The following FMN1 variants were observed in gnomAD, a reference collection of about 807,000 sequenced individuals.
FMN1 encodes formin 1, also known as formin-1.
Under a neutral mutation model 132.4 loss-of-function variants are expected in FMN1, and 110 were observed. That is an observed-to-expected ratio of 0.83 (90% CI 0.71 to 0.97). The LOEUF is 0.97. Ranked by LOEUF, FMN1 falls within the 50% of genes least tolerant of loss-of-function variation. The pLI, the probability that FMN1 is intolerant of heterozygous loss-of-function variation, is 0.00. For synonymous variants in FMN1, 722 were observed against 651.7 expected (o/e 1.11, Z -1.64); for missense variants, 1,792 against 1,705.3 (o/e 1.05, Z -0.90).
intron 16 of FMN1, among the ~76,000 whole-genome samples, chr15:32,872,688 C>T (rs2059543769): frequency 6.6e-6 from 1 of 152,236 alleles, no homozygotes; most frequent in African/African-American, 2.4e-5. Context: ...AGTGCAACAG[C>T]TGGCTACAAA....
intron 6 of FMN1, among the ~76,000 whole-genome samples, chr15:33,025,360 C>T (rs954621274): frequency 3.3e-5 from 5 of 152,098 alleles, no homozygotes; most frequent in Admixed American, 1.3e-4. Context: ...ACCAACAAAT[C>T]AACATGTATC....
chr15:32,979,873 A>G (rs562601993), intron 7 of FMN1, among the ~76,000 whole-genome samples: 1 of 152,216 alleles, frequency 6.6e-6, no homozygotes, highest in South Asian at 2.1e-4. Context: ...TCCCTGAATT[A>G]ATTTTTGCAA....
At position 32,992,626 on chromosome 15, in the gene FMN1, T is replaced by C. The variant is rs565427240; in HGVS notation, c.2223+15388A>G. Among the ~76,000 whole-genome samples, 3 of 152,306 alleles carry C rather than the reference T, an allele frequency of 2.0e-5. No individual in the cohort carries two copies. In the East Asian group the frequency reaches 5.8e-4, roughly 29 times the overall value. ...AAGACATATGTTTAACAAAAAGACA[T>C]GCAGTAAATATAACTTAGATGTTTA... On this transcript the variant is annotated intron_variant, in intron 7 of 20. Coordinates refer to ENST00000616417, the MANE Select transcript of FMN1 (RefSeq NM_001277313.2).
rs372588768 is a variant in FMN1, at chr15:32,896,889, CTT to C, written c.3714+1943_3714+1944del. Among the ~76,000 whole-genome samples, 980 of 152,260 alleles carry C rather than the reference CTT, an allele frequency of 6.4e-3. 11 individuals are homozygous for C. The highest frequency in any genetic ancestry group is 0.022 in the African/African-American group (931 of 41,544). ...AATGAATATGAGAGGGAAAATGTCT[CTT>C]TGAGATCCTGGTTTCAATTCTTTTG... is the stretch of plus-strand genomic sequence containing the variant. On this transcript the variant is annotated intron_variant, in intron 15 of 20. Transcript: ENST00000616417.
intron 9 of FMN1, among the ~76,000 whole-genome samples, chr15:32,945,772 C>G (rs918586959): frequency 2.0e-5 from 3 of 151,012 alleles, no homozygotes; most frequent in African/African-American, 7.3e-5. Context: ...AGGTGAAGAG[C>G]CAGCAAGAGT....
At chr15:33,066,001 G>C (rs2037707822) in intron 5 of FMN1, among the ~76,000 whole-genome samples, 1 of 152,154 alleles carries the variant, frequency 6.6e-6, no homozygotes, top group South Asian at 2.1e-4. Context: ...GGCAGAATTA[G>C]AATAAAAACC....
chr15:33,108,846 T>G (rs16953725), intron 4 of FMN1, among the ~76,000 whole-genome samples: 1,680 of 152,194 alleles, frequency 0.011, 38 homozygotes, highest in African/African-American at 0.038. Flanking sequence ...AAAAAGCAAT[T>G]CATCCTAAAT....
At chr15:32,878,751 G>A (rs2059694741) in intron 16 of FMN1, among the ~76,000 whole-genome samples, 1 of 152,176 alleles carries the variant, frequency 6.6e-6, no homozygotes, top group South Asian at 2.1e-4. Flanking sequence ...TGTGAAGCAA[G>A]GATTTGAATT....
At position 32,903,980 on chromosome 15, in the gene FMN1, G is replaced by GA. The variant is rs1458127317; in HGVS notation, c.3378-1941dup. On this transcript the variant is annotated intron_variant, in intron 12 of 20. Transcript: ENST00000616417. Reference sequence around the variant, plus strand: ...TTTTACATTACTTTTGGAAAGACTTGAAAATTCATACTAGAAGATCAGTCA... The same window carrying GA: ...TTTTACATTACTTTTGGAAAGACTTGAAAAATTCATACTAGAAGATCAGTCA... Among the ~76,000 whole-genome samples, 5 of 152,316 alleles carry GA rather than the reference G, an allele frequency of 3.3e-5. No individual in the cohort carries two copies. In the East Asian group the frequency reaches 9.6e-4, roughly 29 times the overall value.
At chr15:32,863,763 C>G (rs887874420) in intron 16 of FMN1, among the ~76,000 whole-genome samples, 1 of 152,098 alleles carries the variant, frequency 6.6e-6, no homozygotes, top group African/African-American at 2.4e-5. Context: ...GGTGGGAGGA[C>G]GTGGTTAGAA....
intron 19 of FMN1, among the ~76,000 whole-genome samples, chr15:32,779,100 C>T (rs2056580642): frequency 6.6e-6 from 1 of 152,250 alleles, no homozygotes; most frequent in Non-Finnish European, 1.5e-5. Context: ...ATGTTCAGAA[C>T]AGGCAAATCC....
At chr15:33,165,515 C>T (rs1308067367) in intron 3 of FMN1, among the ~76,000 whole-genome samples, 10 of 152,152 alleles carry the variant, frequency 6.6e-5, no homozygotes, top group South Asian at 2.1e-4. Flanking sequence ...CTCAGCCTCC[C>T]GAGTAGCTGG....
chr15:33,046,949 C>T (rs1004470590), intron 6 of FMN1, among the ~76,000 whole-genome samples: 6 of 152,144 alleles, frequency 3.9e-5, no homozygotes, highest in South Asian at 2.1e-4. Flanking sequence ...CTCATAAACC[C>T]GCTGTTCAAG....
chr15:32,930,456 T>C (rs1454170250), intron 9 of FMN1, among the ~76,000 whole-genome samples: 2 of 152,118 alleles, frequency 1.3e-5, no homozygotes, highest in Non-Finnish European at 2.9e-5. Context: ...TGTGAGGGGT[T>C]ATCTCATTGT....
intron 6 of FMN1, among the ~76,000 whole-genome samples, chr15:33,042,714 T>C (rs181067350): frequency 2.6e-5 from 4 of 152,104 alleles, no homozygotes; most frequent in Admixed American, 2.6e-4. Context: ...AATAACAGCT[T>C]ACATTACTTT....
intron 6 of FMN1, among the ~76,000 whole-genome samples, chr15:33,039,002 C>G (rs947356866): frequency 3.9e-5 from 6 of 152,132 alleles, no homozygotes; most frequent in African/African-American, 1.4e-4. Flanking sequence ...CTCCAGATAT[C>G]TGAATTAAAA....
chr15:33,057,621 C>G (rs1332405896), intron 6 of FMN1, among the ~76,000 whole-genome samples: 2 of 152,142 alleles, frequency 1.3e-5, no homozygotes, highest in Non-Finnish European at 2.9e-5. Context: ...ACCCATGAAC[C>G]CCTGCAGTAA....
chr15:32,938,950 C>T (rs892342088), intron 9 of FMN1, among the ~76,000 whole-genome samples: 5 of 151,850 alleles, frequency 3.3e-5, no homozygotes, highest in Admixed American at 1.3e-4. Context: ...CTAAATAAGA[C>T]GAAAAAAGAT....
chr15:32,891,428 G>C (rs986206678), intron 15 of FMN1, among the ~76,000 whole-genome samples: 38 of 152,188 alleles, frequency 2.5e-4, no homozygotes, highest in African/African-American at 8.9e-4. Flanking sequence ...ATTTTTAGTA[G>C]AGACGGGGTT....
Sources: allele counts gnomAD v4.1 joint callset (sites outside exome capture counted in the v4.1 genomes callset), GRCh38; gene constraint gnomAD v4.1.1; transcripts MANE v1.5; gene names NCBI Gene and HGNC (gene_info 2026-07-23, HGNC 2026-07-21).